The following SREBF2 variants were observed in gnomAD, a reference collection of about 807,000 sequenced individuals.
SREBF2 encodes the protein sterol regulatory element-binding protein 2.
SREBF2 carries 55 observed loss-of-function variants against 113.1 expected under a neutral mutation model. The observed-to-expected ratio is 0.49, with a 90% confidence interval of 0.39 to 0.61. The LOEUF is 0.61. Among genes scored for constraint, SREBF2 ranks in the 20% least tolerant of loss-of-function variants. SREBF2 has a pLI of 0.00. For missense variants in SREBF2, 1,349 were observed against 1,487.4 expected (o/e 0.91, Z 1.53); for synonymous variants, 593 against 605.7 (o/e 0.98, Z 0.31).
chr22:41,833,383 C>T lies in SREBF2; in HGVS notation c.88+25C>T. ...GGTGAGTGGTGGGTGGGTGGGAGTG[C>T]GGGGGCCGCGCGGGGAGGAAGGGGT... On this transcript the variant is annotated intron_variant, in intron 1 of 18. Coordinates refer to ENST00000361204, the MANE Select transcript of SREBF2 (RefSeq NM_004599.4). This position sits in a 1 kb window ranked among gnomAD's most constrained non-coding sequence, Gnocchi z 4.1. 3 of 488,892 alleles carry T rather than the reference C, an allele frequency of 6.1e-6. No individual in the cohort carries two copies. The highest frequency in any genetic ancestry group is 3.3e-5 in the South Asian group (2 of 60,298). 30.3% of individuals were successfully genotyped at this position (488,892 alleles called of 1,614,324 possible).
chr22:41,848,261 ATT>A (rs1402549965), intron 1 of SREBF2, among the ~76,000 whole-genome samples: 1 of 151,480 alleles, frequency 6.6e-6, no homozygotes, highest in Non-Finnish European at 1.5e-5. Flanking sequence ...CTCCCCCTGT[ATT>A]TTTTTAGTAG....
At chr22:41,880,411 A>AC (rs2077234290) in intron 9 of SREBF2, among the ~76,000 whole-genome samples, 1 of 151,970 alleles carries the variant, frequency 6.6e-6, no homozygotes, top group East Asian at 1.9e-4. Flanking sequence ...AAAAAAAAAA[A>AC]AAAAAGTGCT....
In SREBF2 at chr22:41,878,021, T is replaced by C; in HGVS notation, c.1659T>C (p.Phe553=). 6.2e-7 allele frequency: 1 copy of C among 1,614,128 alleles called. No individual in the cohort carries two copies. Among genetic ancestry groups the C allele is most frequent in the East Asian group, 2.2e-5 (1 of 44,878 alleles). The change falls in exon 9 of 19, where the codon TTT becomes TTC. Residue 553 remains phenylalanine (F), a synonymous_variant. Coordinates refer to ENST00000361204, the MANE Select transcript of SREBF2 (RefSeq NM_004599.4). The part of the protein sequence containing the change: ...LVNGVIVLSV[F]VKLLVHGEPV... ...ATGGTGTGATTGTCCTGAGCGTCTT[T>C]GTGAAGCTGCTGGTTCATGGGGAGC...
At chr22:41,878,877 G>A (rs539570691) in intron 9 of SREBF2, 42 of 524,398 alleles carry the variant, frequency 8.0e-5, no homozygotes, top group Admixed American at 5.1e-4. Context: ...ATATAGATGT[G>A]ATTTTGAGAG....
intron 1 of SREBF2, among the ~76,000 whole-genome samples, chr22:41,851,873 C>A (rs2076934686): frequency 6.6e-6 from 1 of 151,792 alleles, no homozygotes; most frequent in South Asian, 2.1e-4. Context: ...GTAATCCCAG[C>A]ACTTTGTGGG....
At position 41,905,686 on chromosome 22, in the gene SREBF2, CCTCTCTCTCGATTT is replaced by C. The variant is rs763613865; in HGVS notation, c.*36_*49del. ...CCACCAGGCTCAGCCCACCCCTCCA[CCTCTCTCTCGATTT>C]CTCTCTCTCCCCCTCAGCATCTTCC... is the stretch of plus-strand genomic sequence containing the variant. On this transcript the variant is annotated 3_prime_UTR_variant, in exon 19 of 19. Transcript: ENST00000361204. 4.5e-6 allele frequency: 7 copies of C among 1,549,818 alleles called. No homozygotes were observed. The highest frequency in any genetic ancestry group is 1.7e-4 in the Middle Eastern group (1 of 5,990).
chr22:41,877,218 T>C lies in SREBF2; in HGVS notation c.1387-11T>C, dbSNP rs760562960. On this transcript the variant is annotated splice_polypyrimidine_tract_variant and intron_variant, in intron 7 of 18. Coordinates refer to ENST00000361204, the MANE Select transcript of SREBF2 (RefSeq NM_004599.4). ...CAGTATTTATTCCAACCTCGAGGCC[T>C]TGTTTTGAAGGTCAAAGATGAGCCA... The C allele has an allele frequency of 4.3e-6, 7 of 1,614,198 alleles. No homozygotes were observed. In the South Asian group the frequency reaches 7.7e-5, roughly 18 times the overall value.
Position 41,833,311 on chromosome 22 carries a change from A to G in SREBF2, c.41A>G (p.Glu14Gly), listed in dbSNP as rs759855082. The change falls in exon 1 of 19, where the codon GAG becomes GGG. Residue 14 changes from glutamate to glycine, a missense_variant. Around this residue, in one of 2 missense-constraint regions of SREBF2, gnomAD observed 699 missense variants for 843.3 expected, o/e 0.83. Coordinates refer to ENST00000361204, the MANE Select transcript of SREBF2 (RefSeq NM_004599.4). This position sits in a 1 kb window ranked among gnomAD's most constrained non-coding sequence, Gnocchi z 4.1. ...SGELGGLETM[E>G]TLTELGDELT... ...GAGCTGGGTGGTCTGGAGACCATGG[A>G]GACCCTCACGGAGCTGGGCGACGAG... 1 of 1,286,342 alleles carries G rather than the reference A, an allele frequency of 7.8e-7. No homozygotes were observed. The highest frequency in any genetic ancestry group is 1.3e-5 in the South Asian group (1 of 79,144). 79.7% of individuals were successfully genotyped at this position (1,286,342 alleles called of 1,614,324 possible).
intron 15 of SREBF2, 105 bp from the exon 16 acceptor site, chr22:41,900,225 A>G: frequency 6.4e-7 from 1 of 1,551,316 alleles, no homozygotes; most frequent in Admixed American, 1.9e-5. Flanking sequence ...ACAGATGCAC[A>G]TGTCATATCA....
chr22:41,851,678 A>C (rs544861589), intron 1 of SREBF2, among the ~76,000 whole-genome samples: 8 of 152,026 alleles, frequency 5.3e-5, no homozygotes, highest in African/African-American at 1.9e-4. Context: ...TATTTTAAGT[A>C]GAGAGAGGGT....
intron 16 of SREBF2, 59 bp downstream of exon 16, chr22:41,900,557 C>T (rs1602349862): frequency 6.5e-7 from 1 of 1,546,884 alleles, no homozygotes; most frequent in East Asian, 2.3e-5. Flanking sequence ...TACGAGAACA[C>T]TCCCACTCAC....
At chr22:41,846,067 G>T (rs953662258) in intron 1 of SREBF2, among the ~76,000 whole-genome samples, 1 of 152,190 alleles carries the variant, frequency 6.6e-6, no homozygotes, top group Non-Finnish European at 1.5e-5. Context: ...TCGAGTGTCT[G>T]GGTTTTGTGT....
At position 41,872,892 on chromosome 22, in the gene SREBF2, CAAAAAA is replaced by C. The variant is rs533730009; in HGVS notation, c.868-900_868-895del. 1.6e-3 allele frequency among the ~76,000 whole-genome samples: 190 copies of C among 121,020 alleles called. 1 individual carries two copies. The highest frequency in any genetic ancestry group is 5.3e-3 in the African/African-American group (174 of 32,768). The allele number at this position is 121,020 out of a possible 152,430, so 79.4% of individuals were successfully genotyped here. A position where few individuals can be genotyped will look rare whatever the true frequency, so the allele number is the denominator to read the frequency against. On this transcript the variant is annotated intron_variant, in intron 4 of 18. Transcript: ENST00000361204. ...TGGGCAACAGAGTGAGACTTTGTCT[CAAAAAA>C]AAAAACAAAAACAAAAAAACAGGAC... is the stretch of plus-strand genomic sequence containing the variant.
At chr22:41,835,216 C>T (rs1403184148) in intron 1 of SREBF2, among the ~76,000 whole-genome samples, 1 of 152,038 alleles carries the variant, frequency 6.6e-6, no homozygotes, top group Non-Finnish European at 1.5e-5. Flanking sequence ...GGCTGGAATG[C>T]AGTGGCACAA....
At chr22:41,894,116 A>G (rs558420823) in intron 12 of SREBF2, among the ~76,000 whole-genome samples, 1 of 152,332 alleles carries the variant, frequency 6.6e-6, no homozygotes, top group East Asian at 1.9e-4. Context: ...CTGGCTAAAC[A>G]TGGACTTCTC....
At chr22:41,903,700 A>T (rs373597985) in intron 17 of SREBF2, among the ~76,000 whole-genome samples, 1 of 152,162 alleles carries the variant, frequency 6.6e-6, no homozygotes, top group Non-Finnish European at 1.5e-5. Context: ...TGTATTCAAC[A>T]TATTTGTACC....
rs904756495 is a variant in SREBF2 at position 41,848,008 on chromosome 22, C to T, written c.88+14650C>T. ...TCGGCTCAGTGCAAGCTCCGCCTCC[C>T]GGGTTCATGGCATTCTCCTGCCTCA... On this transcript the variant is annotated intron_variant, in intron 1 of 18. Coordinates refer to ENST00000361204, the MANE Select transcript of SREBF2 (RefSeq NM_004599.4). Among the ~76,000 whole-genome samples the T allele has an allele frequency of 2.6e-5, 4 of 151,848 alleles. No individual in the cohort carries two copies. The South Asian group carries it at 6.2e-4, about 24-fold the overall frequency.
intron 4 of SREBF2, chr22:41,873,548 A>T (rs1004048834): frequency 5.6e-6 from 3 of 531,608 alleles, no homozygotes; most frequent in Non-Finnish European, 1.0e-5. Flanking sequence ...AACTTAAAAC[A>T]TATTTAGCCA....
At chr22:41,874,262 G>T (rs2077172740) in intron 5 of SREBF2, among the ~76,000 whole-genome samples, 2 of 152,210 alleles carry the variant, frequency 1.3e-5, no homozygotes. Flanking sequence ...GCTATGCTCT[G>T]CAGTGATGGG....
Sources: gnomAD v4.1 joint callset for allele counts (sites outside exome capture counted in the v4.1 genomes callset) on GRCh38, gnomAD v4.1.1 for gene constraint, gnomAD v4.1.1 regional missense constraint, Gnocchi (gnomAD v3.1) non-coding constraint, MANE v1.5 for transcripts, NCBI Gene and HGNC (gene_info 2026-07-23, HGNC 2026-07-21) for gene names.